Variants in SLC9B1 observed in about 807,000 individuals in gnomAD.
SLC9B1 encodes the protein solute carrier family 9 member B1, also known as sodium/hydrogen exchanger 9B1.
A neutral mutation model predicts 51.7 loss-of-function variants in SLC9B1; 32 were observed. That is an observed-to-expected ratio of 0.62 (90% CI 0.47 to 0.83). The LOEUF is 0.83. SLC9B1 is among the 40% of genes least tolerant of loss of function. The probability of loss-of-function intolerance (pLI) is 0.00; values close to 1 mark genes in which losing one functional copy is unlikely to be tolerated. For missense variants in SLC9B1, 406 were observed against 613.2 expected, an observed-to-expected ratio of 0.66 and a Z score of 3.57; for synonymous variants, 145 against 212.7, an observed-to-expected ratio of 0.68 and a Z score of 2.77.
intron 7 of SLC9B1, among the ~76,000 whole-genome samples, chr4:102,912,924 G>T (rs962519500): frequency 6.6e-6 from 1 of 151,934 alleles, no homozygotes; most frequent in Non-Finnish European, 1.5e-5. Flanking sequence ...GTGGAATGGG[G>T]AGCTCCAAAC....
At chr4:103,019,552 A>G (rs1741638984) in intron 1 of SLC9B1, 47 bp downstream of exon 1, 1 of 983,644 alleles carries the variant, frequency 1.0e-6, no homozygotes, top group South Asian at 4.7e-5. Flanking sequence ...ACCCGGGACT[A>G]GCGCCAAAGG....
intron 1 of SLC9B1, among the ~76,000 whole-genome samples, chr4:103,002,401 C>T (rs11097796): frequency 0.55 from 83,076 of 152,018 alleles, 23,273 homozygotes; most frequent in African/African-American, 0.68. Flanking sequence ...GTGCAAGACA[C>T]AGACTAAAGC....
chr4:102,991,542 C>A, intron 2 of SLC9B1, 101 bp downstream of exon 2: 1 of 737,122 alleles, frequency 1.4e-6, no homozygotes, highest in East Asian at 3.1e-5. Context: ...CATTTTTAAC[C>A]AGATATATAA....
At chr4:102,975,569 T>C (rs1444263295) in intron 3 of SLC9B1, among the ~76,000 whole-genome samples, 1 of 96,164 alleles carries the variant, frequency 1.0e-5, no homozygotes, top group Non-Finnish European at 2.0e-5. Flanking sequence ...TATATACATA[T>C]ATATATATAT....
At position 102,905,209 on chromosome 4, in the gene SLC9B1, G is replaced by GTTTGTTTATTTATTTATTTA. The variant is rs142177463; in HGVS notation, c.1332+304_1332+305insTAAATAAATAAATAAACAAA. ...GATTACATTAAGGTTCTTTGTTTTT[G>GTTTGTTTATTTATTTATTTA]TTTATTTATTTATTTATTTATTTAT... On this transcript the variant is annotated intron_variant, in intron 11 of 11. Transcript: ENST00000296422. 2.0e-3 allele frequency among the ~76,000 whole-genome samples: 298 copies of GTTTGTTTATTTATTTATTTA among 146,046 alleles called. 1 individual carries two copies. Among genetic ancestry groups the GTTTGTTTATTTATTTATTTA allele is most frequent in the East Asian group, 0.011 (55 of 4,956 alleles).
At chr4:102,928,619 T>A (rs1234640062) in intron 7 of SLC9B1, among the ~76,000 whole-genome samples, 1 of 152,196 alleles carries the variant, frequency 6.6e-6, no homozygotes, top group Non-Finnish European at 1.5e-5. Context: ...AAATCTGTAT[T>A]AGTCATGGTT....
intron 3 of SLC9B1, among the ~76,000 whole-genome samples, chr4:102,980,867 A>G (rs185639387): frequency 7.4e-4 from 113 of 152,282 alleles, no homozygotes; most frequent in Middle Eastern, 3.4e-3. Context: ...CAAAGTTCAG[A>G]GTTTACATTA....
intron 1 of SLC9B1, among the ~76,000 whole-genome samples, chr4:102,998,135 T>C (rs1199683141): frequency 6.6e-6 from 1 of 152,164 alleles, no homozygotes; most frequent in Non-Finnish European, 1.5e-5. Flanking sequence ...TATCTTGACC[T>C]GAAACTGTGT....
chr4:102,978,730 T>C (rs1321825567), intron 3 of SLC9B1, among the ~76,000 whole-genome samples: 7 of 152,160 alleles, frequency 4.6e-5, no homozygotes, highest in Admixed American at 2.6e-4. Context: ...TGTAAACTAG[T>C]TCAACCATTA....
chr4:102,959,235 T>TACAC (rs34697499), intron 3 of SLC9B1, among the ~76,000 whole-genome samples: 28 of 149,456 alleles, frequency 1.9e-4, no homozygotes, highest in African/African-American at 4.2e-4. Flanking sequence ...CATATATATA[T>TACAC]ACACACACAC....
chr4:102,974,068 C>T (rs1335717629), intron 3 of SLC9B1, among the ~76,000 whole-genome samples: 2 of 151,492 alleles, frequency 1.3e-5, no homozygotes, highest in Non-Finnish European at 2.9e-5. Context: ...AAACCCCCAT[C>T]TCTACTGAAA....
At chr4:103,016,847 C>T (rs1741388154) in intron 1 of SLC9B1, 1 of 152,294 alleles carries the variant, frequency 6.6e-6, no homozygotes. Context: ...TTTTCCTCTG[C>T]TTTACACTAG....
intron 1 of SLC9B1, among the ~76,000 whole-genome samples, chr4:103,011,340 G>A (rs968240126): frequency 2.6e-5 from 4 of 152,202 alleles, no homozygotes; most frequent in African/African-American, 9.6e-5. Context: ...TCTCCTGGGA[G>A]CCTTGCCTGC....
intron 3 of SLC9B1, among the ~76,000 whole-genome samples, chr4:102,970,480 T>C (rs1443664841): frequency 6.6e-6 from 1 of 152,172 alleles, no homozygotes; most frequent in Non-Finnish European, 1.5e-5. Flanking sequence ...CAAGAGCTCC[T>C]GAAGGAAGCA....
intron 1 of SLC9B1, among the ~76,000 whole-genome samples, chr4:103,008,108 T>C (rs1343721503): frequency 6.6e-6 from 1 of 152,190 alleles, no homozygotes; most frequent in Admixed American, 6.5e-5. Flanking sequence ...CTTCTTAAAA[T>C]CCTTTTCGGA....
At chr4:102,962,822 G>C in intron 3 of SLC9B1, 1 of 474,544 alleles carries the variant, frequency 2.1e-6, no homozygotes, top group Non-Finnish European at 4.4e-6. Flanking sequence ...GCATGATGTG[G>C]ATTCCTGGAA....
intron 3 of SLC9B1, among the ~76,000 whole-genome samples, chr4:102,957,865 C>T (rs1737890397): frequency 6.6e-6 from 1 of 151,924 alleles, no homozygotes; most frequent in African/African-American, 2.4e-5. Context: ...ATAACTATAA[C>T]AATACTGCTG....
At chr4:102,924,532 G>A (rs1736059018) in intron 7 of SLC9B1, among the ~76,000 whole-genome samples, 1 of 152,162 alleles carries the variant, frequency 6.6e-6, no homozygotes, top group Admixed American at 6.6e-5. Context: ...AATAGCAATG[G>A]CAACAAAAGC....
intron 3 of SLC9B1, among the ~76,000 whole-genome samples, chr4:102,982,830 C>A (rs368480207): frequency 1.3e-5 from 2 of 151,996 alleles, no homozygotes; most frequent in South Asian, 4.1e-4. Context: ...TATCTGTAAA[C>A]AAAGACAAAT....
Sources: allele counts gnomAD v4.1 joint callset (sites outside exome capture counted in the v4.1 genomes callset), GRCh38; gene constraint gnomAD v4.1.1; transcripts MANE v1.5; gene names NCBI Gene and HGNC (gene_info 2026-07-23, HGNC 2026-07-21).